CAPN5: variants seen among roughly 807,000 people sequenced by gnomAD.
CAPN5 encodes the protein calpain 5.
Under a neutral mutation model 73.0 loss-of-function variants are expected in CAPN5, and 54 were observed. The observed-to-expected ratio is 0.74, with a 90% CI of 0.59 to 0.93. The LOEUF (loss-of-function observed/expected upper bound fraction) is 0.93, where lower values mean the gene tolerates loss of function less well. CAPN5 is among the 40% of genes least tolerant of loss of function. The pLI is 0.00. For missense variants in CAPN5, 785 were observed against 882.9 expected (o/e 0.89, Z 1.41); for synonymous variants, 335 against 356.9 (o/e 0.94, Z 0.69).
intron 9 of CAPN5, 65 bp from the exon 10 acceptor site, chr11:77,120,648 G>A (rs2135487258): frequency 1.8e-6 from 2 of 1,086,530 alleles, no homozygotes; most frequent in Non-Finnish European, 2.7e-6. Context: ...TGAGGGGGAG[G>A]CGGGGTGGGC....
At chr11:77,092,521 T>C (rs951802709) in intron 2 of CAPN5, among the ~76,000 whole-genome samples, 3 of 152,222 alleles carry the variant, frequency 2.0e-5, no homozygotes, top group African/African-American at 7.2e-5. Context: ...TGCCTCTCTC[T>C]TGGCAGGCAG....
At chr11:77,083,052 T>A (rs1247251795) in intron 1 of CAPN5, among the ~76,000 whole-genome samples, 1 of 152,000 alleles carries the variant, frequency 6.6e-6, no homozygotes, top group East Asian at 1.9e-4. Flanking sequence ...CCTCTCTCCC[T>A]CAGACCTCCA....
rs1299650021 is a variant in CAPN5 at position 77,084,849 on chromosome 11, C to A, written c.-35-3C>A. ...GTGACCGTCTTCTTGCCTTCCTGTC[C>A]AGGTGTTCCCCCTCCCCTCCCTGGG... On this transcript the variant is annotated splice_region_variant and splice_polypyrimidine_tract_variant and intron_variant, in intron 1 of 12. Coordinates refer to ENST00000648180, the MANE Select transcript of CAPN5 (RefSeq NM_004055.5). The A allele has an allele frequency of 6.2e-7, 1 of 1,613,422 alleles. No individual in the cohort carries two copies. Among genetic ancestry groups the A allele is most frequent in the Non-Finnish European group, 8.5e-7 (1 of 1,179,810 alleles).
chr11:77,086,596 G>A (rs1950088207), intron 2 of CAPN5, among the ~76,000 whole-genome samples: 2 of 152,188 alleles, frequency 1.3e-5, no homozygotes, highest in Non-Finnish European at 2.9e-5. Flanking sequence ...CCTCTCCCAC[G>A]CCTTCCTCTC....
intron 9 of CAPN5, 55 bp from the exon 10 acceptor site, chr11:77,120,658 C>A: frequency 7.7e-7 from 1 of 1,293,860 alleles, no homozygotes; most frequent in Non-Finnish European, 1.1e-6. Context: ...GCGGGGTGGG[C>A]CAGGGTGTTG....
intron 1 of CAPN5, among the ~76,000 whole-genome samples, chr11:77,067,509 C>A (rs1555032291): frequency 6.6e-6 from 1 of 152,098 alleles, no homozygotes; most frequent in Non-Finnish European, 1.5e-5. Context: ...CTTCTGGGTG[C>A]TCCACCACCC....
Position 77,104,021 on chromosome 11 carries a change from A to G in CAPN5, c.298-8568A>G, listed in dbSNP as rs532716504. 2.0e-5 allele frequency among the ~76,000 whole-genome samples: 3 copies of G among 152,342 alleles called. No homozygotes were observed. In the South Asian group the frequency reaches 6.2e-4, roughly 32 times the overall value. The stretch of plus-strand genomic sequence containing the variant: ...CAGAGATCTGTCTCTACGCACACAT[A>G]TCCATGAGACAGAGTGTGCTGTATT... On this transcript the variant is annotated intron_variant, in intron 3 of 12. Transcript: ENST00000648180.
chr11:77,099,981 C>G (rs1443312838), intron 3 of CAPN5, among the ~76,000 whole-genome samples: 2 of 151,978 alleles, frequency 1.3e-5, no homozygotes, highest in Non-Finnish European at 2.9e-5. Context: ...GGATTACAGG[C>G]GCCTGCCACC....
At chr11:77,080,099 G>A (rs1259288403) in intron 1 of CAPN5, among the ~76,000 whole-genome samples, 2 of 152,092 alleles carry the variant, frequency 1.3e-5, no homozygotes, top group Non-Finnish European at 2.9e-5. Flanking sequence ...ACCATTTATT[G>A]AAAAGATAAA....
intron 3 of CAPN5, 26 bp from the exon 4 acceptor site, chr11:77,112,563 A>G (rs782378184): frequency 1.6e-5 from 18 of 1,147,610 alleles, no homozygotes; most frequent in Non-Finnish European, 2.1e-5. Flanking sequence ...GTGTTCCCCC[A>G]TCCTATCCCC....
rs963271162 is a variant in CAPN5 at position 77,121,988 on chromosome 11, C to A, written c.1542C>A (p.Tyr514Ter). ...PHTCWSSLCG[Y>*]PQLVTQVHVL... Reference sequence around the variant, plus strand: ...CCTGCTGGAGCTCCCTCTGTGGCTACCCCCAGCTGGTGACCCAGGTACATG... The same window carrying A: ...CCTGCTGGAGCTCCCTCTGTGGCTAACCCCAGCTGGTGACCCAGGTACATG... The change falls in exon 11 of 13, where the codon TAC (tyrosine) becomes TAA (stop). Residue 514 changes from tyrosine to a stop codon, truncating the protein, a stop_gained. Coordinates refer to ENST00000648180, the MANE Select transcript of CAPN5 (RefSeq NM_004055.5). LOFTEE classifies it high-confidence loss of function. 1.1e-5 allele frequency: 17 copies of A among 1,563,712 alleles called. No homozygotes were observed. Among genetic ancestry groups the A allele is most frequent in the Non-Finnish European group, 1.5e-5 (17 of 1,153,644 alleles).
At chr11:77,086,941 G>T (rs1027936077) in intron 2 of CAPN5, among the ~76,000 whole-genome samples, 1 of 152,206 alleles carries the variant, frequency 6.6e-6, no homozygotes, top group Admixed American at 6.5e-5. Flanking sequence ...GTGGGTTCAG[G>T]AGCCATGCCA....
At chr11:77,096,271 C>G (rs1170520846) in intron 3 of CAPN5, among the ~76,000 whole-genome samples, 1 of 152,202 alleles carries the variant, frequency 6.6e-6, no homozygotes, top group Non-Finnish European at 1.5e-5. Context: ...GCCCCCACAG[C>G]AAGCCACCCT....
chr11:77,103,039 G>T lies in CAPN5; in HGVS notation c.297+9226G>T, dbSNP rs182826120. On this transcript the variant is annotated intron_variant, in intron 3 of 12. Transcript: ENST00000648180. ...CAGCAGCAGCGGCTACAGTTCGAGC[G>T]CTGGAATGTCGTGCTGGACAAGCCG... 5 of 1,613,486 alleles carry T rather than the reference G, an allele frequency of 3.1e-6. No homozygotes were observed. The African/African-American group carries it at 6.7e-5, about 22-fold the overall frequency.
intron 3 of CAPN5, among the ~76,000 whole-genome samples, chr11:77,107,370 G>T (rs77733961): frequency 6.6e-6 from 1 of 152,110 alleles, no homozygotes; most frequent in Non-Finnish European, 1.5e-5. Flanking sequence ...GAAACGCTCC[G>T]CACTGGCCCT....
chr11:77,094,298 TTC>T (rs1383548000), intron 3 of CAPN5, among the ~76,000 whole-genome samples: 1 of 152,176 alleles, frequency 6.6e-6, no homozygotes, highest in Non-Finnish European at 1.5e-5. Flanking sequence ...GCTGCTGGTG[TTC>T]TGGACCAGGG....
chr11:77,077,853 G>A (rs372356064), intron 1 of CAPN5, among the ~76,000 whole-genome samples: 1 of 152,096 alleles, frequency 6.6e-6, no homozygotes, highest in African/African-American at 2.4e-5. Context: ...TTGACCATTT[G>A]TATGTCTTCT....
chr11:77,096,577 T>C (rs1436430997), intron 3 of CAPN5, among the ~76,000 whole-genome samples: 3 of 152,250 alleles, frequency 2.0e-5, no homozygotes, highest in Non-Finnish European at 2.9e-5. Context: ...CCCGACTTGA[T>C]GGTACATTCC....
intron 3 of CAPN5, among the ~76,000 whole-genome samples, chr11:77,101,555 A>G (rs889664420): frequency 6.6e-6 from 1 of 152,108 alleles, no homozygotes; most frequent in Non-Finnish European, 1.5e-5. Context: ...AGGACCGGGT[A>G]TTCTGTCTCC....
Sources: allele counts gnomAD v4.1 joint callset (sites outside exome capture counted in the v4.1 genomes callset), GRCh38; gene constraint gnomAD v4.1.1; transcripts MANE v1.5; gene names NCBI Gene and HGNC (gene_info 2026-07-23, HGNC 2026-07-21).